Variants in NAB1 observed in about 807,000 individuals in gnomAD.
NAB1 encodes the protein NGFI-A binding protein 1.
In NAB1, 25 loss-of-function variants were observed where a neutral mutation model predicts 49.9. The ratio of observed to expected loss-of-function variants is 0.50; its 90% CI spans 0.37 to 0.70. NAB1 has a LOEUF of 0.70. NAB1 is among the 30% of genes least tolerant of loss of function. The pLI is 0.00. For synonymous variants in NAB1, 198 were observed against 215.6 expected (o/e 0.92, Z 0.71); for missense variants, 489 against 575.9 (o/e 0.85, Z 1.54).
At chr2:190,668,084 T>C (rs1015584044) in intron 4 of NAB1, among the ~76,000 whole-genome samples, 1 of 152,158 alleles carries the variant, frequency 6.6e-6, no homozygotes, top group Non-Finnish European at 1.5e-5. Flanking sequence ...TGGTAAAGTT[T>C]TAAAAAGATA....
chr2:190,658,409 C>G (rs1001244842), intron 3 of NAB1, among the ~76,000 whole-genome samples: 1 of 151,750 alleles, frequency 6.6e-6, no homozygotes, highest in Non-Finnish European at 1.5e-5. Flanking sequence ...GATGTAATCT[C>G]GTAGTCACCT....
intron 9 of NAB1, among the ~76,000 whole-genome samples, 191 bp downstream of exon 9, chr2:190,687,508 A>C (rs949856847): frequency 1.3e-5 from 2 of 152,104 alleles, no homozygotes; most frequent in South Asian, 2.1e-4. Context: ...GAGTGTCAGA[A>C]TGACACTCAA....
At position 190,667,576 on chromosome 2, in the gene NAB1, A is replaced by G. The variant is rs1694588490; in HGVS notation, c.820-2750A>G. ...TTTAGGAGGAGTGGAGAAGGCTGAA[A>G]ATAAATTCTTCCTTCAATTATGCTT... On this transcript the variant is annotated intron_variant, in intron 4 of 9. Transcript: ENST00000337386. The surrounding 1 kb of genome is among the most constrained non-coding windows in gnomAD (Gnocchi z 4.4). Among the ~76,000 whole-genome samples, 1 of 152,214 alleles carries G rather than the reference A, an allele frequency of 6.6e-6. No individual in the cohort carries two copies.
Position 190,686,615 on chromosome 2 carries a change from TAAG to T in NAB1, c.1259-582_1259-580del, listed in dbSNP as rs1175361963. Among the ~76,000 whole-genome samples, 1 of 152,176 alleles carries T rather than the reference TAAG, an allele frequency of 6.6e-6. No homozygotes were observed. Among genetic ancestry groups the T allele is most frequent in the African/African-American group, 2.4e-5 (1 of 41,452 alleles). The stretch of plus-strand genomic sequence containing the variant: ...AACTTCTCCAATTATCCTTAACAGT[TAAG>T]AAGCAAAGGCAATTATTAAAGATTT... On this transcript the variant is annotated intron_variant, in intron 8 of 9. Coordinates refer to ENST00000337386, the MANE Select transcript of NAB1 (RefSeq NM_005966.4). This position sits in a 1 kb window ranked among gnomAD's most constrained non-coding sequence, Gnocchi z 5.5.
intron 8 of NAB1, 114 bp from the exon 9 acceptor site, chr2:190,687,087 T>C (rs1695642095): frequency 2.1e-6 from 1 of 485,990 alleles, no homozygotes; most frequent in Non-Finnish European, 3.6e-6. Context: ...AATTCTTCAG[T>C]GCTCGTTGAC....
intron 2 of NAB1, among the ~76,000 whole-genome samples, chr2:190,650,362 C>G (rs905079444): frequency 6.6e-6 from 1 of 152,140 alleles, no homozygotes; most frequent in Non-Finnish European, 1.5e-5. Context: ...GTGCAAAGAT[C>G]AGAAGCTGAA....
chr2:190,661,400 G>T (rs1365005955), intron 4 of NAB1, among the ~76,000 whole-genome samples: 2 of 152,156 alleles, frequency 1.3e-5, no homozygotes, highest in African/African-American at 4.8e-5. Context: ...GTCATTAGTA[G>T]AAAAACAAAA....
chr2:190,691,743 ACT>A lies in NAB1; in HGVS notation c.*1413_*1414del, dbSNP rs1695940584. 1 of 152,118 alleles carries A rather than the reference ACT, an allele frequency of 6.6e-6. No individual in the cohort carries two copies. Among genetic ancestry groups the A allele is most frequent in the South Asian group, 2.1e-4 (1 of 4,830 alleles). The allele number at this position is 152,118 out of a possible 1,614,324, so 9.4% of individuals were successfully genotyped here. A position where few individuals can be genotyped will look rare whatever the true frequency, so the allele number is the denominator to read the frequency against. ...AGATATTACTGAGAAGAGTGTATTG[ACT>A]CTGAGTGTAAGAGAGTATGTGTTTT... On this transcript the variant is annotated 3_prime_UTR_variant, in exon 10 of 10. Transcript: ENST00000337386. This position sits in a 1 kb window ranked among gnomAD's most constrained non-coding sequence, Gnocchi z 4.1.
In NAB1 at chr2:190,676,681, TCAAA is replaced by T. The variant is rs1456158520; in HGVS notation, c.1005+3534_1005+3537del. 4.6e-5 allele frequency among the ~76,000 whole-genome samples: 7 copies of T among 152,168 alleles called. No homozygotes were observed. Among genetic ancestry groups the T allele is most frequent in the Non-Finnish European group, 1.0e-4 (7 of 68,024 alleles). Reference sequence around the variant, plus strand: ...CCGGGCAACAGAGCACAACCTTGTCTCAAACAAAGGAAAAAAAGTTTTTAAGTAA... The same window carrying T: ...CCGGGCAACAGAGCACAACCTTGTCTCAAAGGAAAAAAAGTTTTTAAGTAA... On this transcript the variant is annotated intron_variant, in intron 6 of 9. Transcript: ENST00000337386. The surrounding 1 kb of genome is among the most constrained non-coding windows in gnomAD (Gnocchi z 4.6).
chr2:190,682,745 A>C lies in NAB1; in HGVS notation c.1006-993A>C, dbSNP rs1414047359. 6.6e-6 allele frequency among the ~76,000 whole-genome samples: 1 copy of C among 152,248 alleles called. No homozygotes were observed. Among genetic ancestry groups the C allele is most frequent in the Non-Finnish European group, 1.5e-5 (1 of 68,048 alleles). ...CATATAAAACAGGCATATAAAAATT[A>C]AATGATTTTTGAGTATCAAAAGTAT... On this transcript the variant is annotated intron_variant, in intron 6 of 9. Coordinates refer to ENST00000337386, the MANE Select transcript of NAB1 (RefSeq NM_005966.4). This position sits in a 1 kb window ranked among gnomAD's most constrained non-coding sequence, Gnocchi z 4.1.
At chr2:190,653,318 T>C (rs1693761671) in intron 2 of NAB1, among the ~76,000 whole-genome samples, 1 of 152,204 alleles carries the variant, frequency 6.6e-6, no homozygotes, top group African/African-American at 2.4e-5. Context: ...CTTGTCTAGA[T>C]GTTAAGAAGA....
chr2:190,671,910 G>A (rs1229918478), intron 5 of NAB1, among the ~76,000 whole-genome samples: 1 of 151,324 alleles, frequency 6.6e-6, no homozygotes, highest in Non-Finnish European at 1.5e-5. Flanking sequence ...CAAGTAGCTG[G>A]GACTACAGGC....
chr2:190,650,202 T>TG (rs1274975318), intron 2 of NAB1, among the ~76,000 whole-genome samples: 1 of 152,200 alleles, frequency 6.6e-6, no homozygotes. Flanking sequence ...ATCGTAGACT[T>TG]GCATGTACTT....
chr2:190,683,840 C>T lies in NAB1; in HGVS notation c.1095+13C>T. The T allele has an allele frequency of 6.3e-7, 1 of 1,589,428 alleles. No individual in the cohort carries two copies. Reference sequence around the variant, plus strand: ...TCTTAGTTCACAGGTAACATAAACTCCCAGTTATTACTCCATGATAGTATC... The same window carrying T: ...TCTTAGTTCACAGGTAACATAAACTTCCAGTTATTACTCCATGATAGTATC... On this transcript the variant is annotated intron_variant, in intron 7 of 9. Coordinates refer to ENST00000337386, the MANE Select transcript of NAB1 (RefSeq NM_005966.4).
intron 4 of NAB1, among the ~76,000 whole-genome samples, chr2:190,662,051 G>A (rs561381054): frequency 5.3e-5 from 8 of 152,282 alleles, no homozygotes; most frequent in Non-Finnish European, 8.8e-5. Context: ...TGAGATTAAA[G>A]AATGTTGCTA....
intron 5 of NAB1, among the ~76,000 whole-genome samples, chr2:190,672,053 C>T (rs1014525437): frequency 1.3e-5 from 2 of 152,114 alleles, no homozygotes; most frequent in South Asian, 2.1e-4. Context: ...GGATTACAGG[C>T]GTGAGCCACT....
In NAB1 at chr2:190,659,430, C is replaced by T; in HGVS notation, c.254C>T (p.Pro85Leu). The T allele has an allele frequency of 6.2e-7, 1 of 1,614,182 alleles. No homozygotes were observed. The highest frequency in any genetic ancestry group is 8.5e-7 in the Non-Finnish European group (1 of 1,180,030). Residue 85 changes from proline (P) to leucine (L), a missense_variant, in exon 4 of 10, where the codon CCA (proline) becomes CTA (leucine). Pro to Leu is a moderately conservative substitution (Grantham distance 98). Coordinates refer to ENST00000337386, the MANE Select transcript of NAB1 (RefSeq NM_005966.4). This position sits in a 1 kb window ranked among gnomAD's most constrained non-coding sequence, Gnocchi z 6.2. ...ACAAACCCTGGGCTTTTCAATCAGC[C>T]ACTGACTTCCCTTCCTGTCAGTAGC... ...WVTNPGLFNQ[P>L]LTSLPVSSIP...
At position 190,679,067 on chromosome 2, in the gene NAB1, A is replaced by T. The variant is rs1026277145; in HGVS notation, c.1006-4671A>T. Among the ~76,000 whole-genome samples the T allele has an allele frequency of 2.6e-5, 4 of 152,212 alleles. No individual in the cohort carries two copies. The highest frequency in any genetic ancestry group is 2.6e-4 in the Admixed American group (4 of 15,284). On this transcript the variant is annotated intron_variant, in intron 6 of 9. Coordinates refer to ENST00000337386, the MANE Select transcript of NAB1 (RefSeq NM_005966.4). This position sits in a 1 kb window ranked among gnomAD's most constrained non-coding sequence, Gnocchi z 5.3. ...TGATCAGACCCAGAGTCTCGTCAGCAAGGAAACACTGTGATTAATGGCATC... is the reference window on the plus strand; with the variant it reads ...TGATCAGACCCAGAGTCTCGTCAGCTAGGAAACACTGTGATTAATGGCATC...
intron 7 of NAB1, among the ~76,000 whole-genome samples, 171 bp downstream of exon 7, chr2:190,683,998 T>G (rs539948002): frequency 1.3e-5 from 2 of 152,336 alleles, no homozygotes; most frequent in South Asian, 4.1e-4. Flanking sequence ...CAATAACAAC[T>G]TGGTTTGATT....
Sources: gnomAD v4.1 joint callset for allele counts (sites outside exome capture counted in the v4.1 genomes callset) on GRCh38, gnomAD v4.1.1 for gene constraint, Gnocchi (gnomAD v3.1) non-coding constraint, MANE v1.5 for transcripts, NCBI Gene and HGNC (gene_info 2026-07-23, HGNC 2026-07-21) for gene names.